Variants in FLOT1 observed in about 807,000 individuals in gnomAD.
FLOT1 encodes flotillin 1, also known as flotillin-1.
Under a neutral mutation model 58.4 loss-of-function variants are expected in FLOT1, and 40 were observed. That is an observed-to-expected ratio of 0.69 (90% CI 0.53 to 0.89). The LOEUF (loss-of-function observed/expected upper bound fraction) is 0.89, where lower values mean the gene tolerates loss of function less well. Among genes scored for constraint, FLOT1 ranks in the 40% least tolerant of loss-of-function variants. The pLI is 0.00. For missense variants in FLOT1, 423 were observed against 540.8 expected (o/e 0.78, Z 2.16); for synonymous variants, 178 against 204.2 (o/e 0.87, Z 1.09).
intron 8 of FLOT1, chr6:30,736,400 A>G (rs1777567116): frequency 6.7e-6 from 1 of 149,182 alleles, no homozygotes; most frequent in Non-Finnish European, 1.5e-5. Context: ...ATAACTCACT[A>G]CCTTTGGACA....
chr6:30,731,770 G>A (rs938430762), intron 8 of FLOT1, among the ~76,000 whole-genome samples: 1 of 152,144 alleles, frequency 6.6e-6, no homozygotes, highest in Non-Finnish European at 1.5e-5. Context: ...GTGGGGACAG[G>A]TGATCTTTTT....
Position 30,741,580 on chromosome 6 carries a change from G to A in FLOT1, c.210+34C>T, listed in dbSNP as rs3094125. On this transcript the variant is annotated intron_variant, in intron 4 of 12. Coordinates refer to ENST00000376389, the MANE Select transcript of FLOT1 (RefSeq NM_005803.4). This position sits in a 1 kb window ranked among gnomAD's most constrained non-coding sequence, Gnocchi z 5.9. ...GTCTGGGAGAGAGGGTGATGGGGAA[G>A]TGGACTGTGGGGAAAAGGCTCTGAA... The A allele has an allele frequency of 0.11, 159,260 of 1,498,228 alleles. 10,989 individuals carry two copies. Among genetic ancestry groups the A allele is most frequent in the Non-Finnish European group, 0.13 (143,843 of 1,075,618 alleles). The allele number at this position is 1,498,228 out of a possible 1,614,324, so 92.8% of individuals were successfully genotyped here.
chr6:30,740,833 AGT>A, intron 5 of FLOT1, 35 bp from the exon 6 acceptor site: 6 of 1,299,506 alleles, frequency 4.6e-6, no homozygotes, highest in South Asian at 1.4e-5. Context: ...AAGGGATGTA[AGT>A]TTTTTTTTTT....
In FLOT1 at chr6:30,730,938, G is replaced by A. The variant is rs753963070; in HGVS notation, c.886C>T (p.Arg296Cys). 1 of 1,613,268 alleles carries A rather than the reference G, an allele frequency of 6.2e-7. No individual in the cohort carries two copies. The highest frequency in any genetic ancestry group is 8.5e-7 in the Non-Finnish European group (1 of 1,179,452). ...ATTTACTTCTCTGCCTCGGCTAGGC[G>A]CTCCAGCTTGTAGCGCTCCGCTTCC... ...PAEAERYKLE[R>C]LAEAEKSQLI... is the part of the protein sequence containing the mutation. Residue 296 changes from arginine to cysteine, a missense_variant, in exon 9 of 13, where the codon CGC (arginine) becomes TGC (cysteine). Around this residue, in one of 6 missense-constraint regions of FLOT1, gnomAD observed 106 missense variants for 88.4 expected, o/e 1.20. Coordinates refer to ENST00000376389, the MANE Select transcript of FLOT1 (RefSeq NM_005803.4).
intron 8 of FLOT1, among the ~76,000 whole-genome samples, chr6:30,738,412 A>G (rs769426145): frequency 2.0e-5 from 3 of 152,214 alleles, no homozygotes; most frequent in Non-Finnish European, 2.9e-5. Flanking sequence ...TAATATTGCT[A>G]TCCTTTGGGT....
chr6:30,740,124 A>G, intron 8 of FLOT1, 34 bp downstream of exon 8: 2 of 1,607,054 alleles, frequency 1.2e-6, no homozygotes, highest in Non-Finnish European at 1.7e-6. Flanking sequence ...AGGAATGGGG[A>G]AGGGGCAGAG....
chr6:30,730,216 C>T, intron 11 of FLOT1, 30 bp from the exon 12 acceptor site: 1 of 1,610,600 alleles, frequency 6.2e-7, no homozygotes, highest in Non-Finnish European at 8.5e-7. Context: ...CACTCAGTGC[C>T]CATGATCTGA....
intron 8 of FLOT1, 62 bp downstream of exon 8, chr6:30,740,096 T>G: frequency 1.3e-6 from 2 of 1,526,756 alleles, no homozygotes; most frequent in Non-Finnish European, 9.0e-7. Flanking sequence ...AGTGGTGTCC[T>G]GAGATGGACA....
At chr6:30,735,150 T>C (rs1777477015) in intron 8 of FLOT1, among the ~76,000 whole-genome samples, 1 of 152,028 alleles carries the variant, frequency 6.6e-6, no homozygotes, top group Non-Finnish European at 1.5e-5. Context: ...AGATGGAAGT[T>C]CTGGGAGCTG....
Position 30,741,473 on chromosome 6 carries a change from G to A in FLOT1, c.211-140C>T. The A allele has an allele frequency of 2.3e-6, 3 of 1,316,384 alleles. No individual in the cohort carries two copies. The highest frequency in any genetic ancestry group is 3.2e-6 in the Non-Finnish European group (3 of 929,132). 81.5% of individuals were successfully genotyped at this position (1,316,384 alleles called of 1,614,324 possible). ...AAGGAGGAGGAGGCAAGTGCCTTGG[G>A]GTGCCTGGAAAAGATGAGACTAGCA... On this transcript the variant is annotated intron_variant, in intron 4 of 12. Coordinates refer to ENST00000376389, the MANE Select transcript of FLOT1 (RefSeq NM_005803.4). The surrounding 1 kb of genome is among the most constrained non-coding windows in gnomAD (Gnocchi z 5.9).
chr6:30,736,057 G>A (rs1777540310), intron 8 of FLOT1, among the ~76,000 whole-genome samples: 1 of 151,956 alleles, frequency 6.6e-6, no homozygotes, highest in African/African-American at 2.4e-5. Context: ...TTTGAGACCA[G>A]CCTGGGCAAC....
At position 30,740,324 on chromosome 6, in the gene FLOT1, G is replaced by C. The variant is rs1374866482; in HGVS notation, c.571-14C>G. 9.3e-6 allele frequency: 15 copies of C among 1,612,908 alleles called. No individual in the cohort carries two copies. The highest frequency in any genetic ancestry group is 1.3e-5 in the Non-Finnish European group (15 of 1,179,932). ...GGCTTTAGCTTCCTGTCCAAGCAGA[G>C]ATCAGGTAGGAAATGTCAGGGCAGG... On this transcript the variant is annotated splice_polypyrimidine_tract_variant and intron_variant, in intron 7 of 12. Transcript: ENST00000376389.
chr6:30,730,794 C>T, intron 9 of FLOT1, 67 bp from the exon 10 acceptor site: 1 of 1,607,488 alleles, frequency 6.2e-7, no homozygotes, highest in East Asian at 2.2e-5. Flanking sequence ...AGGCCCAGTG[C>T]TGCAGAGGCA....
chr6:30,738,962 A>T (rs1335339080), intron 8 of FLOT1, among the ~76,000 whole-genome samples: 1 of 152,226 alleles, frequency 6.6e-6, no homozygotes, highest in Non-Finnish European at 1.5e-5. Context: ...AGATCCTGAA[A>T]GTGCTGCGAC....
chr6:30,741,448 AAGG>A lies in FLOT1; in HGVS notation c.211-118_211-116del, dbSNP rs1471859149. ...ATGCTTCTTCCATTTCAGGGAAAGAAAGGAGGAGGAGGCAAGTGCCTTGGGGTG... is the reference window on the plus strand; with the variant it reads ...ATGCTTCTTCCATTTCAGGGAAAGAAAGGAGGAGGCAAGTGCCTTGGGGTG... On this transcript the variant is annotated intron_variant, in intron 4 of 12. Coordinates refer to ENST00000376389, the MANE Select transcript of FLOT1 (RefSeq NM_005803.4). The surrounding 1 kb of genome is among the most constrained non-coding windows in gnomAD (Gnocchi z 5.9). The A allele has an allele frequency of 1.4e-5, 20 of 1,444,112 alleles. No individual in the cohort carries two copies. The highest frequency in any genetic ancestry group is 3.6e-5 in the Admixed American group (2 of 56,300). The allele number at this position is 1,444,112 out of a possible 1,614,324, so 89.5% of individuals were successfully genotyped here.
intron 8 of FLOT1, among the ~76,000 whole-genome samples, chr6:30,735,768 A>C (rs1027353444): frequency 1.3e-5 from 2 of 152,206 alleles, no homozygotes; most frequent in South Asian, 2.1e-4. Flanking sequence ...CCTCTTATTT[A>C]ACCAGTCTAC....
chr6:30,740,282 G>C lies in FLOT1; in HGVS notation c.599C>G (p.Ser200Cys), dbSNP rs746666729. Residue 200 changes from serine to cysteine, a missense_variant, in exon 8 of 13, where the codon TCT (serine) becomes TGT (cysteine). By Grantham distance (112) the Ser-to-Cys change is moderately radical. This residue lies in a region of FLOT1 where 137 missense variants were observed against 194.6 expected (regional missense o/e 0.70). Transcript: ENST00000376389. ...CTCGATCTCACTCAGGTACTGAGCA[G>C]ACACCTTTTCCTGCTTGGCTTTAGC... ...REAKAKQEKV[S>C]AQYLSEIEMA... 12 of 1,612,930 alleles carry C rather than the reference G, an allele frequency of 7.4e-6. No individual in the cohort carries two copies. Among genetic ancestry groups the C allele is most frequent in the Non-Finnish European group, 1.0e-5 (12 of 1,180,034 alleles).
Position 30,740,552 on chromosome 6 carries a change from C to T in FLOT1, c.514G>A (p.Val172Ile), listed in dbSNP as rs1777895346. The change falls in exon 7 of 13, where the codon GTC becomes ATC. Residue 172 changes from valine (V) to isoleucine (I), a missense_variant. Val to Ile is a conservative substitution (Grantham distance 29, BLOSUM62 3). Around this residue, in one of 6 missense-constraint regions of FLOT1, gnomAD observed 137 missense variants for 194.6 expected, o/e 0.70. Coordinates refer to ENST00000376389, the MANE Select transcript of FLOT1 (RefSeq NM_005803.4). ...TCTCCAATCCGTGCATCTTTTTGGA[C>T]TTGAGCTGTTCGAGCCTTCCCCAAA... ...HSLGKARTAQ[V>I]QKDARIGEAE... 2 of 1,613,042 alleles carry T rather than the reference C, an allele frequency of 1.2e-6. No homozygotes were observed. The highest frequency in any genetic ancestry group is 1.7e-6 in the Non-Finnish European group (2 of 1,180,038).
At chr6:30,729,425 T>G (rs1776991384) in intron 12 of FLOT1, among the ~76,000 whole-genome samples, 1 of 152,210 alleles carries the variant, frequency 6.6e-6, no homozygotes, top group Non-Finnish European at 1.5e-5. Flanking sequence ...CCAGGCACTA[T>G]TCTAAACACT....
Sources: gnomAD v4.1 joint callset for allele counts (sites outside exome capture counted in the v4.1 genomes callset) on GRCh38, gnomAD v4.1.1 for gene constraint, gnomAD v4.1.1 regional missense constraint, Gnocchi (gnomAD v3.1) non-coding constraint, MANE v1.5 for transcripts, NCBI Gene and HGNC (gene_info 2026-07-23, HGNC 2026-07-21) for gene names.